IQGAP2: variants seen among roughly 807,000 people sequenced by gnomAD.
The protein encoded by IQGAP2 is IQ motif containing GTPase activating protein 2.
IQGAP2 carries 173 observed loss-of-function variants against 201.3 expected under a neutral mutation model. The observed-to-expected ratio is 0.86, with a 90% CI of 0.76 to 0.98. The LOEUF is 0.98. Among genes scored for constraint, IQGAP2 ranks in the 50% least tolerant of loss-of-function variants. IQGAP2 has a pLI of 0.00. For missense variants in IQGAP2, 1,687 were observed against 1,864.8 expected (o/e 0.90, Z 1.76); for synonymous variants, 675 against 673.9 (o/e 1.00, Z -0.03).
intron 2 of IQGAP2, among the ~76,000 whole-genome samples, chr5:76,501,885 C>T (rs1369382894): frequency 6.6e-6 from 1 of 151,946 alleles, no homozygotes; most frequent in Non-Finnish European, 1.5e-5. Flanking sequence ...TCAGGTGATC[C>T]ACCCACCTCG....
chr5:76,677,482 C>T (rs756159666), intron 28 of IQGAP2, 132 bp downstream of exon 28: 61 of 712,242 alleles, frequency 8.6e-5, no homozygotes, highest in South Asian at 3.3e-4. Context: ...CTAAAAATCT[C>T]GCAATTATTT....
chr5:76,626,900 C>T (rs915137331), intron 13 of IQGAP2, among the ~76,000 whole-genome samples: 1 of 152,002 alleles, frequency 6.6e-6, no homozygotes, highest in Non-Finnish European at 1.5e-5. Flanking sequence ...GAAAGAGACT[C>T]GTGTGAAGGT....
At chr5:76,702,340 G>A (rs1051301276) in intron 34 of IQGAP2, 142 bp from the exon 35 acceptor site, 43 of 573,342 alleles carry the variant, frequency 7.5e-5, no homozygotes, top group Admixed American at 3.2e-4. Context: ...GAAAGATGAC[G>A]TGAGGTTTTT....
chr5:76,606,682 C>T (rs1467355552), intron 12 of IQGAP2: 1 of 153,160 alleles, frequency 6.5e-6, no homozygotes, highest in African/African-American at 2.4e-5. Context: ...GATTTTTCTG[C>T]CCCACAAATG....
chr5:76,502,461 C>G (rs777934299), intron 2 of IQGAP2, among the ~76,000 whole-genome samples: 5 of 152,056 alleles, frequency 3.3e-5, no homozygotes, highest in Non-Finnish European at 7.4e-5. Flanking sequence ...TTTCAAATGG[C>G]CATTAAATGC....
At position 76,590,408 on chromosome 5, in the gene IQGAP2, T is replaced by C; in HGVS notation, c.641T>C (p.Leu214Ser). 6.3e-7 allele frequency: 1 copy of C among 1,587,672 alleles called. No homozygotes were observed. Among genetic ancestry groups the C allele is most frequent in the African/African-American group, 1.4e-5 (1 of 73,668 alleles). Residue 214 changes from leucine (L) to serine (S), a missense_variant and splice_region_variant, in exon 8 of 36, where the codon TTA (leucine) becomes TCA (serine). Coordinates refer to ENST00000274364, the MANE Select transcript of IQGAP2 (RefSeq NM_006633.5). Reference sequence around the variant, plus strand: ...TTCTCTCTCTCTCTTTACTTTTTAGTACATGCTGCAGTTATAGCCATTAAT... The same window carrying C: ...TTCTCTCTCTCTCTTTACTTTTTAGCACATGCTGCAGTTATAGCCATTAAT... ...ANELSVDEAA[L>S]HAAVIAINEA...
intron 11 of IQGAP2, 121 bp from the exon 12 acceptor site, chr5:76,606,058 C>A: frequency 1.3e-6 from 1 of 778,442 alleles, no homozygotes; most frequent in Non-Finnish European, 1.9e-6. Context: ...ATTTTATTTG[C>A]CTTTCTACTC....
rs1435770239 is a variant in IQGAP2 at position 76,658,616 on chromosome 5, C to A, written c.2478C>A (p.Asn826Lys). The change falls in exon 21 of 36, where the codon AAC becomes AAA. Residue 826 changes from asparagine (N) to lysine (K), a missense_variant. Asn to Lys is a moderately conservative substitution (Grantham distance 94, BLOSUM62 0). Transcript: ENST00000274364. ...ATCAACAGCTGGAAAAAGACCTGAA[C>A]CTGATGGACATCAAGATTGGACTGC... The part of the protein sequence containing the change: ...RANQQLEKDL[N>K]LMDIKIGLLV... 1 of 1,613,838 alleles carries A rather than the reference C, an allele frequency of 6.2e-7. No homozygotes were observed. The highest frequency in any genetic ancestry group is 8.5e-7 in the Non-Finnish European group (1 of 1,179,970).
In IQGAP2 at chr5:76,688,674, A is replaced by C. The variant is rs192768091; in HGVS notation, c.3906-4681A>C. Among the ~76,000 whole-genome samples, 420 of 152,314 alleles carry C rather than the reference A, an allele frequency of 2.8e-3. 2 individuals are homozygous for C. Among genetic ancestry groups the C allele is most frequent in the Middle Eastern group, 0.017 (5 of 294 alleles). On this transcript the variant is annotated intron_variant, in intron 30 of 35. Coordinates refer to ENST00000274364, the MANE Select transcript of IQGAP2 (RefSeq NM_006633.5). ...CAAATGTTCCAAAATCTGAAAAGAT[A>C]AAAAATCTGAAACACTTTTGGGCCC...
chr5:76,686,303 T>C (rs1465148119), intron 30 of IQGAP2, among the ~76,000 whole-genome samples: 1 of 151,224 alleles, frequency 6.6e-6, no homozygotes, highest in Non-Finnish European at 1.5e-5. Flanking sequence ...AATGTTTTTT[T>C]TTTTTTATTT....
chr5:76,452,487 A>T (rs1580221782), intron 1 of IQGAP2, among the ~76,000 whole-genome samples: 1 of 152,060 alleles, frequency 6.6e-6, no homozygotes. Flanking sequence ...TTGAATATTA[A>T]TTTTTTTCTG....
chr5:76,525,016 C>T (rs1580380620), intron 2 of IQGAP2, among the ~76,000 whole-genome samples: 2 of 152,208 alleles, frequency 1.3e-5, no homozygotes, highest in East Asian at 1.9e-4. Context: ...CATGCCTATG[C>T]ATTATGCATG....
chr5:76,595,904 C>G (rs151231240), intron 9 of IQGAP2, among the ~76,000 whole-genome samples: 31 of 152,004 alleles, frequency 2.0e-4, no homozygotes, highest in African/African-American at 6.8e-4. Context: ...TAGAGTAATC[C>G]GAGATACAGC....
At chr5:76,469,470 G>A (rs1269454779) in intron 2 of IQGAP2, among the ~76,000 whole-genome samples, 1 of 151,278 alleles carries the variant, frequency 6.6e-6, no homozygotes, top group African/African-American at 2.4e-5. Context: ...GTGCGATCTC[G>A]GCTCACCGTA....
At chr5:76,489,492 C>T (rs1007994777) in intron 2 of IQGAP2, among the ~76,000 whole-genome samples, 1 of 152,078 alleles carries the variant, frequency 6.6e-6, no homozygotes, top group Non-Finnish European at 1.5e-5. Flanking sequence ...GATGGAGTCT[C>T]GCTCTGTCCC....
At chr5:76,608,858 A>T in intron 12 of IQGAP2, 1 of 378,870 alleles carries the variant, frequency 2.6e-6, no homozygotes, top group Non-Finnish European at 5.0e-6. Flanking sequence ...TGTGTAGGTT[A>T]CCTCATCTGC....
intron 10 of IQGAP2, 93 bp downstream of exon 10, chr5:76,597,695 G>C: frequency 2.3e-6 from 3 of 1,316,436 alleles, no homozygotes; most frequent in Non-Finnish European, 3.2e-6. Flanking sequence ...ATAGGGATCG[G>C]GGATCTCTAA....
intron 1 of IQGAP2, among the ~76,000 whole-genome samples, chr5:76,454,139 T>C (rs1273005815): frequency 6.6e-6 from 1 of 152,106 alleles, no homozygotes; most frequent in Admixed American, 6.5e-5. Context: ...CTAGGAATCA[T>C]TGCCTATAAT....
chr5:76,618,386 A>G, intron 13 of IQGAP2: 4 of 1,614,228 alleles, frequency 2.5e-6, no homozygotes, highest in Non-Finnish European at 3.4e-6. Context: ...CCGGGACACC[A>G]ACTACAAACA....
Sources: allele counts gnomAD v4.1 joint callset (sites outside exome capture counted in the v4.1 genomes callset), GRCh38; gene constraint gnomAD v4.1.1; transcripts MANE v1.5; gene names NCBI Gene and HGNC (gene_info 2026-07-23, HGNC 2026-07-21).